CLEC16A: variants seen among roughly 807,000 people sequenced by gnomAD.
CLEC16A encodes the protein protein CLEC16A.
CLEC16A carries 51 observed loss-of-function variants against 109.5 expected under a neutral mutation model. The observed-to-expected ratio is 0.47, with a 90% confidence interval of 0.37 to 0.59. The LOEUF (loss-of-function observed/expected upper bound fraction) is 0.59, where lower values mean the gene tolerates loss of function less well. Ranked by LOEUF, CLEC16A falls within the 20% of genes least tolerant of loss-of-function variation. The pLI, the probability that CLEC16A is intolerant of heterozygous loss-of-function variation, is 0.00. For synonymous variants in CLEC16A, 673 were observed against 564.2 expected (o/e 1.19, Z -2.73); for missense variants, 1,339 against 1,394.0 (o/e 0.96, Z 0.63).
intron 19 of CLEC16A, among the ~76,000 whole-genome samples, chr16:11,075,402 G>GTGTGTGTGTGTGTGTGTGTGTGTC: frequency 7.2e-6 from 1 of 138,022 alleles, no homozygotes; most frequent in African/African-American, 2.8e-5. Context: ...GTGTGTGTGT[G>GTGTGTGTGTGTGTGTGTGTGTGTC]TGTGTGTGTC....
chr16:11,120,534 G>C (rs2052327129), intron 19 of CLEC16A, 81 bp from the exon 20 acceptor site: 2 of 1,437,862 alleles, frequency 1.4e-6, no homozygotes, highest in East Asian at 4.9e-5. Flanking sequence ...GCTCCTGATA[G>C]AATGAGAGTC....
chr16:11,154,561 C>T (rs1392048884), intron 22 of CLEC16A, among the ~76,000 whole-genome samples: 4 of 152,162 alleles, frequency 2.6e-5, no homozygotes, highest in Middle Eastern at 3.2e-3. Flanking sequence ...TTTTGTGTTG[C>T]GTTCTTTTCT....
chr16:11,031,604 T>C (rs760902380), intron 13 of CLEC16A, among the ~76,000 whole-genome samples: 24 of 152,176 alleles, frequency 1.6e-4, no homozygotes, highest in Non-Finnish European at 2.5e-4. Flanking sequence ...TTCCAACAAA[T>C]ATTTTGGAAG....
intron 19 of CLEC16A, among the ~76,000 whole-genome samples, chr16:11,089,068 G>C (rs1186555601): frequency 6.6e-6 from 1 of 152,084 alleles, no homozygotes; most frequent in Non-Finnish European, 1.5e-5. Context: ...TGTCCTTCTG[G>C]ACCAAGCTCT....
chr16:11,152,753 CA>C (rs910506936), intron 22 of CLEC16A, among the ~76,000 whole-genome samples: 4 of 152,220 alleles, frequency 2.6e-5, no homozygotes, highest in African/African-American at 7.2e-5. Context: ...GACGTTCCCA[CA>C]ATCTCGCCAG....
intron 1 of CLEC16A, among the ~76,000 whole-genome samples, chr16:10,956,381 A>G (rs981699931): frequency 1.3e-5 from 2 of 152,222 alleles, no homozygotes; most frequent in African/African-American, 4.8e-5. Flanking sequence ...TAGAGATTGT[A>G]GATGGGACAA....
At chr16:11,142,579 A>G (rs1188402004) in intron 22 of CLEC16A, among the ~76,000 whole-genome samples, 2 of 152,232 alleles carry the variant, frequency 1.3e-5, no homozygotes, top group African/African-American at 4.8e-5. Flanking sequence ...CTGCAGTGGT[A>G]CACACTGGTG....
intron 23 of CLEC16A, among the ~76,000 whole-genome samples, chr16:11,170,303 G>C (rs577162626): frequency 3.9e-5 from 6 of 152,166 alleles, no homozygotes; most frequent in Non-Finnish European, 7.4e-5. Flanking sequence ...GTGAACCCCT[G>C]GGGGAGGAAG....
At chr16:11,008,023 A>G (rs1221812331) in intron 11 of CLEC16A, among the ~76,000 whole-genome samples, 3 of 152,150 alleles carry the variant, frequency 2.0e-5, no homozygotes, top group African/African-American at 4.8e-5. Flanking sequence ...GTAGAAGATA[A>G]TAAAAAAACA....
chr16:10,994,005 G>T (rs530686579), intron 10 of CLEC16A, among the ~76,000 whole-genome samples: 5 of 152,330 alleles, frequency 3.3e-5, no homozygotes, highest in East Asian at 3.9e-4. Context: ...CCATCTTGAC[G>T]TTACCTGCTC....
rs1261447715 is a variant in CLEC16A, at chr16:11,147,119, T to C, written c.2642-19269T>C. ...AGGGGCTGCCATAGACAGGAGAGCA[T>C]TGATGTCTCAGCCCACAGGCTGCCC... On this transcript the variant is annotated intron_variant, in intron 22 of 23. Transcript: ENST00000409790. 4.0e-5 allele frequency among the ~76,000 whole-genome samples: 6 copies of C among 151,868 alleles called. 1 individual carries two copies. In the East Asian group the frequency reaches 1.2e-3, roughly 29 times the overall value.
intron 14 of CLEC16A, chr16:11,041,342 C>G (rs1398702614): frequency 6.6e-6 from 1 of 152,216 alleles, no homozygotes; most frequent in Non-Finnish European, 1.5e-5. Context: ...TTGGTCTTGA[C>G]AGAAACCCGA....
chr16:11,125,979 C>T lies in CLEC16A; in HGVS notation c.2474C>T (p.Ala825Val). 1 of 1,577,962 alleles carries T rather than the reference C, an allele frequency of 6.3e-7. No homozygotes were observed. ...GAACCATGCTATTGTTTGACCGTAG[C>T]CCTCCTGGACCTCCCAATCCAGCCC... Reference protein sequence around the residue: ...ARRMKMQRIAALLDLPIQPTT... With the variant: ...ARRMKMQRIAVLLDLPIQPTT... The change falls in exon 22 of 24, where the codon GCC becomes GTC. Residue 825 changes from alanine to valine, a missense_variant and splice_region_variant. By Grantham distance (64) the Ala-to-Val change is moderately conservative (BLOSUM62 0). Around this residue, in one of 3 missense-constraint regions of CLEC16A, gnomAD observed 1,061 missense variants for 1,006.8 expected, o/e 1.05. Transcript: ENST00000409790.
intron 22 of CLEC16A, among the ~76,000 whole-genome samples, chr16:11,148,782 C>T (rs2054173830): frequency 6.6e-6 from 1 of 152,192 alleles, no homozygotes; most frequent in Admixed American, 6.5e-5. Context: ...GAGCCAACGG[C>T]TGGCACCCTT....
intron 10 of CLEC16A, among the ~76,000 whole-genome samples, chr16:10,999,640 G>T (rs1269412491): frequency 6.6e-6 from 1 of 152,190 alleles, no homozygotes; most frequent in Non-Finnish European, 1.5e-5. Flanking sequence ...TGTTATAAAG[G>T]TTTGAAATTT....
intron 19 of CLEC16A, among the ~76,000 whole-genome samples, chr16:11,099,769 G>A (rs2050805640): frequency 6.6e-6 from 1 of 152,206 alleles, no homozygotes. Flanking sequence ...AGTGAGGATG[G>A]TAACAGTAAC....
chr16:11,042,986 T>C (rs570122288), intron 15 of CLEC16A, among the ~76,000 whole-genome samples: 68 of 151,584 alleles, frequency 4.5e-4, no homozygotes, highest in African/African-American at 1.5e-3. Flanking sequence ...AATATGTAAA[T>C]ATGTACATGT....
intron 3 of CLEC16A, among the ~76,000 whole-genome samples, chr16:10,962,901 C>A (rs750927770): frequency 2.7e-4 from 41 of 152,004 alleles, no homozygotes; most frequent in Non-Finnish European, 5.0e-4. Context: ...CTACAAAAAA[C>A]CACAAAAATT....
intron 10 of CLEC16A, among the ~76,000 whole-genome samples, chr16:10,989,906 T>C (rs1045061071): frequency 6.6e-6 from 1 of 152,196 alleles, no homozygotes; most frequent in East Asian, 1.9e-4. Context: ...TTGTATCCGA[T>C]GTCAGCCGAG....
Sources: allele counts gnomAD v4.1 joint callset (sites outside exome capture counted in the v4.1 genomes callset), GRCh38; gene constraint gnomAD v4.1.1; regional missense constraint gnomAD v4.1.1; transcripts MANE v1.5; gene names NCBI Gene and HGNC (gene_info 2026-07-23, HGNC 2026-07-21).